Variants in PTCHD4 observed in about 807,000 individuals in gnomAD.
PTCHD4 encodes patched domain containing 4.
A neutral mutation model predicts 58.1 loss-of-function variants in PTCHD4; 33 were observed. The ratio of observed to expected loss-of-function variants is 0.57; its 90% CI spans 0.43 to 0.76. The LOEUF (loss-of-function observed/expected upper bound fraction) is 0.76. Among genes scored for constraint, PTCHD4 ranks in the 30% least tolerant of loss-of-function variants. PTCHD4 has a pLI of 0.00. For synonymous variants in PTCHD4, 478 were observed against 409.6 expected, an observed-to-expected ratio of 1.17 and a Z score of -2.02; for missense variants, 1,058 against 1,027.1, an observed-to-expected ratio of 1.03 and a Z score of -0.41.
chr6:48,106,286 C>G (rs6928553), intron 1 of PTCHD4, among the ~76,000 whole-genome samples: 24,044 of 152,044 alleles, frequency 0.16, 1,962 homozygotes, highest in African/African-American at 0.21. Context: ...GGGATGCAAG[C>G]CTGGTTCAAC....
chr6:48,008,910 C>A lies in PTCHD4; in HGVS notation c.622G>T (p.Glu208Ter), dbSNP rs1478050458. The change falls in exon 4 of 5, where the codon GAA becomes TAA. Residue 208 changes from glutamate to a stop codon, truncating the protein, a stop_gained. Transcript: ENST00000339488. LOFTEE classifies it high-confidence loss of function. ...LIRKLQEEHQ[E>*]LQLYSLASFS... is the part of the protein sequence containing the mutation. ...GATGCTAAAGAGTAGAGCTGGAGTT[C>A]TTGATGCTCCTCCTGGAGCTTCCTT... 1 of 1,614,010 alleles carries A rather than the reference C, an allele frequency of 6.2e-7. No homozygotes were observed. The highest frequency in any genetic ancestry group is 8.5e-7 in the Non-Finnish European group (1 of 1,179,888).
chr6:47,965,737 G>C (rs1767261035), intron 4 of PTCHD4, among the ~76,000 whole-genome samples: 1 of 152,080 alleles, frequency 6.6e-6, no homozygotes, highest in Non-Finnish European at 1.5e-5. Context: ...GACCATCTTG[G>C]TTAACACGGT....
intron 1 of PTCHD4, among the ~76,000 whole-genome samples, chr6:48,106,873 C>T (rs1163890848): frequency 1.3e-5 from 2 of 152,042 alleles, no homozygotes; most frequent in African/African-American, 2.4e-5. Context: ...GAATAAAATA[C>T]CTAGGAATCC....
chr6:48,046,304 T>C (rs1045599622), intron 3 of PTCHD4, among the ~76,000 whole-genome samples: 1 of 151,854 alleles, frequency 6.6e-6, no homozygotes, highest in Non-Finnish European at 1.5e-5. Context: ...TGCTCCTTTA[T>C]GGAAACAAAA....
In PTCHD4 at chr6:47,878,825, G is replaced by C; in HGVS notation, c.2010C>G (p.Ile670Met). Residue 670 changes from isoleucine to methionine, a missense_variant, in exon 5 of 5, where the codon ATC becomes ATG. Transcript: ENST00000339488. The part of the protein sequence containing the change: ...IAGFGVLLVL[I>M]LTFFLVIHPL... ...GGTGGATCACTAGGAAAAAAGTCAG[G>C]ATTAACACCAGGAGAACACCAAAGC... is the stretch of plus-strand genomic sequence containing the variant. 6.2e-7 allele frequency: 1 copy of C among 1,613,646 alleles called. No homozygotes were observed. The highest frequency in any genetic ancestry group is 1.1e-5 in the South Asian group (1 of 91,082).
chr6:48,090,958 G>T (rs905195577), intron 1 of PTCHD4, among the ~76,000 whole-genome samples: 1 of 152,252 alleles, frequency 6.6e-6, no homozygotes, highest in Non-Finnish European at 1.5e-5. Flanking sequence ...TTACAAACAA[G>T]TGTGAACCTG....
intron 1 of PTCHD4, among the ~76,000 whole-genome samples, chr6:48,079,570 C>T (rs1265472950): frequency 3.3e-5 from 5 of 150,858 alleles, no homozygotes. Flanking sequence ...GAGAAAAAGG[C>T]AGTGAGAAGG....
In PTCHD4 at chr6:48,010,968, C is replaced by T. The variant is rs185740105; in HGVS notation, c.418-1854G>A. ...GTATATGTGCCACATTTTCTTTATCCAACCTATTATGGATAGGCATTTAGG... is the reference window on the plus strand; with the variant it reads ...GTATATGTGCCACATTTTCTTTATCTAACCTATTATGGATAGGCATTTAGG... On this transcript the variant is annotated intron_variant, in intron 3 of 4. Transcript: ENST00000339488. Among the ~76,000 whole-genome samples, 101 of 152,264 alleles carry T rather than the reference C, an allele frequency of 6.6e-4. 1 individual carries two copies. Among genetic ancestry groups the T allele is most frequent in the Admixed American group, 1.4e-3 (21 of 15,294 alleles).
intron 4 of PTCHD4, among the ~76,000 whole-genome samples, chr6:47,886,664 A>G (rs78883975): frequency 0.019 from 2,919 of 152,328 alleles, 264 homozygotes; most frequent in Admixed American, 0.16. Flanking sequence ...ATAAAACCAC[A>G]ATCAACTGAA....
intron 3 of PTCHD4, among the ~76,000 whole-genome samples, chr6:48,026,432 G>A (rs1406307035): frequency 6.6e-6 from 1 of 152,052 alleles, no homozygotes; most frequent in African/African-American, 2.4e-5. Context: ...GTCTCTTTGG[G>A]GAACTTAGGA....
intron 1 of PTCHD4, among the ~76,000 whole-genome samples, chr6:48,072,375 A>G (rs1347036981): frequency 1.3e-5 from 2 of 152,156 alleles, no homozygotes; most frequent in Non-Finnish European, 2.9e-5. Context: ...AGCTTTGGCC[A>G]CTGAAAGGAA....
In PTCHD4 at chr6:47,874,824, C is replaced by G. The variant is rs1426347243; in HGVS notation, c.*3479G>C. Among the ~76,000 whole-genome samples the G allele has an allele frequency of 6.6e-6, 1 of 151,772 alleles. No homozygotes were observed. Among genetic ancestry groups the G allele is most frequent in the Non-Finnish European group, 1.5e-5 (1 of 67,816 alleles). On this transcript the variant is annotated 3_prime_UTR_variant, in exon 5 of 5. Transcript: ENST00000339488. ...AGGTTCATAGTAACTGCAAGAATTC[C>G]TGGGAAGACATCTAAACATGACTTT... is the stretch of plus-strand genomic sequence containing the variant.
chr6:47,982,682 T>G (rs1581970063), intron 4 of PTCHD4, among the ~76,000 whole-genome samples: 1 of 151,900 alleles, frequency 6.6e-6, no homozygotes, highest in East Asian at 1.9e-4. Flanking sequence ...AGAGACGGGG[T>G]TTCACCGTGT....
intron 4 of PTCHD4, among the ~76,000 whole-genome samples, chr6:47,889,965 G>C (rs1018860363): frequency 2.0e-5 from 3 of 151,772 alleles, no homozygotes; most frequent in African/African-American, 7.3e-5. Flanking sequence ...TCTGACAAAG[G>C]GCTAATATCC....
chr6:48,032,290 G>T (rs1042908010), intron 3 of PTCHD4, among the ~76,000 whole-genome samples: 4 of 152,120 alleles, frequency 2.6e-5, no homozygotes, highest in African/African-American at 9.7e-5. Flanking sequence ...AAAAAGAGTG[G>T]TGTTAGATTA....
intron 4 of PTCHD4, among the ~76,000 whole-genome samples, chr6:47,918,103 C>T (rs969725567): frequency 5.9e-5 from 9 of 151,972 alleles, no homozygotes; most frequent in Admixed American, 1.3e-4. Flanking sequence ...ACACAAAATC[C>T]TAGGATTTTT....
rs543163605 is a variant in PTCHD4 at position 47,914,677 on chromosome 6, C to CCTAT, written c.899-34745_899-34742dup. ...ATAAAAAGATTTTTATATAATAGAACCTATCTATCTATCTATCTGTCTGTC... is the reference window on the plus strand; with the variant it reads ...ATAAAAAGATTTTTATATAATAGAACCTATCTATCTATCTATCTATCTGTCTGTC... On this transcript the variant is annotated intron_variant, in intron 4 of 4. Transcript: ENST00000339488. Among the ~76,000 whole-genome samples, 616 of 124,126 alleles carry CCTAT rather than the reference C, an allele frequency of 5.0e-3. 3 individuals are homozygous for CCTAT. Among genetic ancestry groups the CCTAT allele is most frequent in the African/African-American group, 0.014 (528 of 36,838 alleles). The allele number at this position is 124,126 out of a possible 152,430, so 81.4% of individuals were successfully genotyped here. A position where few individuals can be genotyped will look rare whatever the true frequency, so the allele number is the denominator to read the frequency against.
At chr6:47,969,416 T>G (rs1441256987) in intron 4 of PTCHD4, among the ~76,000 whole-genome samples, 2 of 152,254 alleles carry the variant, frequency 1.3e-5, no homozygotes, top group African/African-American at 4.8e-5. Flanking sequence ...AGGCATCGCC[T>G]GAGAAAATCT....
chr6:47,931,729 C>A (rs991651652), intron 4 of PTCHD4, among the ~76,000 whole-genome samples: 1 of 151,182 alleles, frequency 6.6e-6, no homozygotes, highest in Non-Finnish European at 1.5e-5. Flanking sequence ...ATTCTTCCTT[C>A]GGCCTGAAGC....
Sources: gnomAD v4.1 joint callset for allele counts (sites outside exome capture counted in the v4.1 genomes callset) on GRCh38, gnomAD v4.1.1 for gene constraint, MANE v1.5 for transcripts, NCBI Gene and HGNC (gene_info 2026-07-23, HGNC 2026-07-21) for gene names.